The following TDP1 variants were observed in gnomAD, a reference collection of about 807,000 sequenced individuals.
TDP1 encodes the protein tyrosyl-DNA phosphodiesterase 1.
A neutral mutation model predicts 81.5 loss-of-function variants in TDP1; 64 were observed. The ratio of observed to expected loss-of-function variants is 0.79; its 90% CI spans 0.64 to 0.97. The LOEUF is 0.97. TDP1 is among the 50% of genes least tolerant of loss of function. TDP1 has a pLI of 0.00. For synonymous variants in TDP1, 256 were observed against 264.3 expected (o/e 0.97, Z 0.30); for missense variants, 723 against 743.8 (o/e 0.97, Z 0.33).
chr14:89,963,774 C>A, intron 3 of TDP1, 101 bp downstream of exon 3: 1 of 1,366,862 alleles, frequency 7.3e-7, no homozygotes, highest in Non-Finnish European at 1.0e-6. Context: ...GAGAACTCTT[C>A]TTTGTGTTCT....
intron 14 of TDP1, among the ~76,000 whole-genome samples, chr14:90,006,654 A>C (rs1225391969): frequency 6.6e-6 from 1 of 152,160 alleles, no homozygotes; most frequent in South Asian, 2.1e-4. Flanking sequence ...CTCCTGCCTC[A>C]GCCTCCCAAG....
At chr14:89,968,742 CCTTTT>C (rs1194297439) in intron 5 of TDP1, among the ~76,000 whole-genome samples, 6 of 152,154 alleles carry the variant, frequency 3.9e-5, no homozygotes, top group African/African-American at 9.7e-5. Context: ...GTTCTTCCTC[CCTTTT>C]CTTAAAGACC....
At chr14:90,008,407 C>G (rs1377292132) in intron 14 of TDP1, among the ~76,000 whole-genome samples, 1 of 152,102 alleles carries the variant, frequency 6.6e-6, no homozygotes, top group East Asian at 1.9e-4. Flanking sequence ...TACTTTTGGA[C>G]CTTCTTGGAT....
chr14:89,981,271 G>T lies in TDP1; in HGVS notation c.884+639G>T, dbSNP rs1253722109. 3.9e-5 allele frequency among the ~76,000 whole-genome samples: 6 copies of T among 152,282 alleles called. No individual in the cohort carries two copies. The East Asian group carries it at 1.2e-3, about 29-fold the overall frequency. On this transcript the variant is annotated intron_variant, in intron 8 of 16. Transcript: ENST00000335725. ...ATAAAGTTGTGAATCTCCAAGAGAA[G>T]AACTGAATACGAAAGCTTTTATGAA...
intron 13 of TDP1, chr14:89,993,083 T>G: frequency 1.1e-6 from 1 of 905,232 alleles, no homozygotes; most frequent in South Asian, 5.1e-5. Flanking sequence ...ACACACATGC[T>G]GTTAAAAGCA....
At chr14:90,042,168 A>C (rs1303951051) in intron 16 of TDP1, among the ~76,000 whole-genome samples, 4 of 152,136 alleles carry the variant, frequency 2.6e-5, no homozygotes, top group Non-Finnish European at 4.4e-5. Flanking sequence ...TCAATTATTA[A>C]CCCTTAACAA....
chr14:89,996,394 G>A (rs1896654340), intron 14 of TDP1, among the ~76,000 whole-genome samples: 1 of 152,200 alleles, frequency 6.6e-6, no homozygotes, highest in Non-Finnish European at 1.5e-5. Flanking sequence ...AACAGCCCAT[G>A]TAGTTTCTTC....
chr14:89,970,494 C>T (rs967571213), intron 5 of TDP1, among the ~76,000 whole-genome samples: 7 of 151,698 alleles, frequency 4.6e-5, no homozygotes, highest in Non-Finnish European at 8.8e-5. Context: ...AAAGAAAAAG[C>T]AAAAAGCACT....
intron 7 of TDP1, among the ~76,000 whole-genome samples, chr14:89,977,555 C>G (rs369768913): frequency 2.0e-5 from 3 of 152,350 alleles, no homozygotes; most frequent in African/African-American, 7.2e-5. Context: ...GCCTCGGCCT[C>G]CCAAAGTGCC....
chr14:89,983,981 A>G, intron 8 of TDP1: 1 of 275,012 alleles, frequency 3.6e-6, no homozygotes, highest in Non-Finnish European at 5.5e-6. Flanking sequence ...TATAGGACCT[A>G]CGTTATGAAA....
Position 90,003,189 on chromosome 14 carries a change from G to A in TDP1, c.1541+9706G>A, listed in dbSNP as rs1265732561. Among the ~76,000 whole-genome samples the A allele has an allele frequency of 1.7e-4, 26 of 152,304 alleles. No individual in the cohort carries two copies. The East Asian group carries it at 5.0e-3, about 29-fold the overall frequency. ...CTGACCTTGTGATCCGCCCGCCTTGGCCTCCCAAAGTGCTGGGATTACAGG... is the reference window on the plus strand; with the variant it reads ...CTGACCTTGTGATCCGCCCGCCTTGACCTCCCAAAGTGCTGGGATTACAGG... On this transcript the variant is annotated intron_variant, in intron 14 of 16. Coordinates refer to ENST00000335725, the MANE Select transcript of TDP1 (RefSeq NM_018319.4).
intron 6 of TDP1, among the ~76,000 whole-genome samples, chr14:89,971,706 C>T (rs1893687409): frequency 6.6e-6 from 1 of 152,130 alleles, no homozygotes; most frequent in Non-Finnish European, 1.5e-5. Context: ...CTAGTGCTCC[C>T]CTGGTTGCAT....
rs948447666 is a variant in TDP1, at chr14:90,018,687, C to T, written c.1542-629C>T. ...AGGCTGGTCCTGGGTTCAAGTGGTCCGCCCGCCTCGGCCTCCCAAAATGCT... is the reference window on the plus strand; with the variant it reads ...AGGCTGGTCCTGGGTTCAAGTGGTCTGCCCGCCTCGGCCTCCCAAAATGCT... On this transcript the variant is annotated intron_variant, in intron 14 of 16. Coordinates refer to ENST00000335725, the MANE Select transcript of TDP1 (RefSeq NM_018319.4). Among the ~76,000 whole-genome samples the T allele has an allele frequency of 3.9e-5, 6 of 152,046 alleles. No individual in the cohort carries two copies. In the East Asian group the frequency reaches 5.8e-4, roughly 15 times the overall value.
rs541348380 is a variant in TDP1 at position 90,006,935 on chromosome 14, C to G, written c.1542-12381C>G. 2.6e-5 allele frequency among the ~76,000 whole-genome samples: 4 copies of G among 152,302 alleles called. No homozygotes were observed. In the East Asian group the frequency reaches 5.8e-4, roughly 22 times the overall value. ...CCTGAGCTCAAAACTCTCTATCTGC[C>G]TTGGCCTCCCAAAGTGCTGGGATTA... On this transcript the variant is annotated intron_variant, in intron 14 of 16. Transcript: ENST00000335725.
intron 10 of TDP1, chr14:89,987,082 C>T (rs184017495): frequency 1.4e-4 from 21 of 152,356 alleles, no homozygotes; most frequent in African/African-American, 5.1e-4. Context: ...TTTAGACCAT[C>T]ACAGCTGCCT....
At chr14:89,988,007 A>G (rs1195718072) in intron 10 of TDP1, among the ~76,000 whole-genome samples, 1 of 152,130 alleles carries the variant, frequency 6.6e-6, no homozygotes, top group Non-Finnish European at 1.5e-5. Flanking sequence ...ACCAGCTTCA[A>G]GTTGAGGTTC....
intron 14 of TDP1, among the ~76,000 whole-genome samples, chr14:90,002,873 A>C (rs998015908): frequency 6.6e-5 from 10 of 152,268 alleles, no homozygotes; most frequent in African/African-American, 2.2e-4. Flanking sequence ...ACCCTGTCTC[A>C]AAAAAAGAAG....
chr14:90,018,803 A>G (rs1885620736), intron 14 of TDP1: 1 of 176,862 alleles, frequency 5.7e-6, no homozygotes, highest in Admixed American at 6.5e-5. Flanking sequence ...TTCTGAATGT[A>G]CCATTTATCT....
At chr14:89,993,249 TCA>T in intron 13 of TDP1, 125 bp from the exon 14 acceptor site, 2 of 1,291,348 alleles carry the variant, frequency 1.5e-6, no homozygotes, top group Admixed American at 2.3e-5. Context: ...ATCTCACAGG[TCA>T]CAGAGTCGTG....
Sources: gnomAD v4.1 joint callset for allele counts (sites outside exome capture counted in the v4.1 genomes callset) on GRCh38, gnomAD v4.1.1 for gene constraint, MANE v1.5 for transcripts, NCBI Gene and HGNC (gene_info 2026-07-23, HGNC 2026-07-21) for gene names.